Variants in GPI observed in about 807,000 individuals in gnomAD.
The protein encoded by GPI is glucose-6-phosphate isomerase.
A neutral mutation model predicts 75.8 loss-of-function variants in GPI; 56 were observed. The observed-to-expected ratio is 0.74, with a 90% CI of 0.60 to 0.92. GPI has a LOEUF of 0.92. Ranked by LOEUF, GPI falls within the 40% of genes least tolerant of loss-of-function variation. GPI has a pLI of 0.00. For missense variants in GPI, 638 were observed against 741.0 expected, an observed-to-expected ratio of 0.86 and a Z score of 1.61; for synonymous variants, 288 against 285.4, an observed-to-expected ratio of 1.01 and a Z score of -0.09.
intron 12 of GPI, 96 bp downstream of exon 12, chr19:34,394,162 G>A: frequency 5.7e-6 from 5 of 879,416 alleles, no homozygotes; most frequent in Non-Finnish European, 5.6e-6. Flanking sequence ...GGAGCTCTTT[G>A]CCCCATTGCC....
intron 9 of GPI, among the ~76,000 whole-genome samples, chr19:34,390,415 G>T (rs2074804439): frequency 6.6e-6 from 1 of 152,184 alleles, no homozygotes; most frequent in Non-Finnish European, 1.5e-5. Flanking sequence ...CCTGGCACCG[G>T]TAAGGGGCTC....
chr19:34,392,669 C>T, intron 9 of GPI: 1 of 18,402 alleles, frequency 5.4e-5, no homozygotes, highest in Non-Finnish European at 9.7e-5. Flanking sequence ...GCATGAGCAT[C>T]TGGGTCTGAC....
intron 14 of GPI, chr19:34,398,037 A>G (rs1401285798): frequency 6.7e-6 from 1 of 149,534 alleles, no homozygotes; most frequent in Non-Finnish European, 1.5e-5. Flanking sequence ...CAGATGTACA[A>G]CATGCCTGGC....
chr19:34,386,863 T>C (rs763090027), intron 9 of GPI, among the ~76,000 whole-genome samples: 51 of 151,900 alleles, frequency 3.4e-4, no homozygotes, highest in Non-Finnish European at 5.9e-4. Context: ...CACAAGTTGG[T>C]AGAACTACGC....
intron 3 of GPI, 75 bp from the exon 4 acceptor site, chr19:34,368,508 G>A (rs1331697337): frequency 3.2e-6 from 5 of 1,551,092 alleles, no homozygotes; most frequent in African/African-American, 1.4e-5. Context: ...CCGAGCTATG[G>A]CACCATGCCC....
Position 34,393,290 on chromosome 19 carries a change from T to C in GPI, c.847T>C (p.Ser283Pro). The C allele has an allele frequency of 6.2e-7, 1 of 1,612,922 alleles. No homozygotes were observed. The highest frequency in any genetic ancestry group is 8.5e-7 in the Non-Finnish European group (1 of 1,178,900). ...RYSLWSAIGL[S>P]IALHVGFDNF... ...CTCGCTGTGGTCGGCCATCGGACTC[T>C]CCATTGCCCTGCACGTGGGTGAGTG... Residue 283 changes from serine to proline, a missense_variant, in exon 10 of 18, where the codon TCC (serine) becomes CCC (proline). Physicochemically the swap from Ser to Pro is moderately conservative, Grantham distance 74 (BLOSUM62 -1). Transcript: ENST00000356487. The surrounding 1 kb of genome is among the most constrained non-coding windows in gnomAD (Gnocchi z 4.4).
chr19:34,366,421 A>T lies in GPI; in HGVS notation c.199A>T (p.Met67Leu). ...KNLVTEDVMR[M>L]LVDLAKSRGV... Reference sequence around the variant, plus strand: ...CCTGGTGACGGAGGACGTGATGCGGATGCTGGTGGACTTGGTAATGTTCTG... The same window carrying T: ...CCTGGTGACGGAGGACGTGATGCGGTTGCTGGTGGACTTGGTAATGTTCTG... Residue 67 changes from methionine to leucine, a missense_variant, in exon 2 of 18, where the codon ATG (methionine) becomes TTG (leucine). Met to Leu is a conservative substitution (Grantham distance 15, BLOSUM62 2). Coordinates refer to ENST00000356487, the MANE Select transcript of GPI (RefSeq NM_000175.5). 2 of 1,611,208 alleles carry T rather than the reference A, an allele frequency of 1.2e-6. No individual in the cohort carries two copies. Among genetic ancestry groups the T allele is most frequent in the African/African-American group, 2.7e-5 (2 of 74,980 alleles).
At chr19:34,361,704 G>A (rs946277946), upstream of GPI, among the ~76,000 whole-genome samples, 1 of 152,126 alleles carries the variant, frequency 6.6e-6, no homozygotes, top group African/African-American at 2.4e-5. Flanking sequence ...ATCCAGGCTG[G>A]GCGCGGTGTT....
chr19:34,377,691 G>A (rs374534282), intron 5 of GPI, 44 bp from the exon 6 acceptor site: 276 of 1,610,352 alleles, frequency 1.7e-4, no homozygotes, highest in South Asian at 3.2e-4. Context: ...TCCACTTTTC[G>A]TGGGCCCTGA....
Position 34,400,184 on chromosome 19 carries a change from T to A in GPI, c.*148T>A, listed in dbSNP as rs2075002667. 1.2e-6 allele frequency: 1 copy of A among 815,022 alleles called. No homozygotes were observed. The highest frequency in any genetic ancestry group is 1.7e-5 in the African/African-American group (1 of 59,918). The allele number at this position is 815,022 out of a possible 1,614,324, so 50.5% of individuals were successfully genotyped here. A position where few individuals can be genotyped will look rare whatever the true frequency, so the allele number is the denominator to read the frequency against. The stretch of plus-strand genomic sequence containing the variant: ...ACGAGCCCTTAGCAGGGAAGGCTGG[T>A]CTCCCCCAGCCTAACCCCCAGCCCC... On this transcript the variant is annotated 3_prime_UTR_variant, in exon 18 of 18. Coordinates refer to ENST00000356487, the MANE Select transcript of GPI (RefSeq NM_000175.5).
intron 12 of GPI, among the ~76,000 whole-genome samples, chr19:34,395,670 C>T (rs1379658378): frequency 6.6e-6 from 1 of 152,144 alleles, no homozygotes; most frequent in Non-Finnish European, 1.5e-5. Flanking sequence ...TTTTCCTGGG[C>T]ATGAGTCCTT....
At chr19:34,389,111 A>G (rs1306880304) in intron 9 of GPI, among the ~76,000 whole-genome samples, 1 of 152,098 alleles carries the variant, frequency 6.6e-6, no homozygotes, top group South Asian at 2.1e-4. Context: ...AAAGAAAAAA[A>G]TAGAACTGCA....
upstream of GPI, among the ~76,000 whole-genome samples, chr19:34,364,398 T>G (rs2074323857): frequency 6.6e-6 from 1 of 151,668 alleles, no homozygotes; most frequent in Middle Eastern, 3.4e-3. Context: ...TTTTTTTTTT[T>G]TGAGATGGAG....
At chr19:34,360,290 CAG>C (rs1352680642), upstream of GPI, among the ~76,000 whole-genome samples, 1 of 152,056 alleles carries the variant, frequency 6.6e-6, no homozygotes, top group Admixed American at 6.6e-5. Flanking sequence ...TGATAGACAA[CAG>C]AATATAAAAT....
chr19:34,370,753 C>T (rs888157586), intron 4 of GPI, among the ~76,000 whole-genome samples: 1 of 151,558 alleles, frequency 6.6e-6, no homozygotes, highest in Non-Finnish European at 1.5e-5. Flanking sequence ...AAAAAACCAA[C>T]CCATCTCTGG....
intron 9 of GPI, among the ~76,000 whole-genome samples, chr19:34,382,119 G>A (rs1272379084): frequency 6.6e-6 from 1 of 152,202 alleles, no homozygotes; most frequent in Non-Finnish European, 1.5e-5. Flanking sequence ...CCTGAGCTCA[G>A]CAGTGGTGTG....
chr19:34,390,779 T>C (rs2074811736), intron 9 of GPI, among the ~76,000 whole-genome samples: 1 of 127,792 alleles, frequency 7.8e-6, no homozygotes, highest in Non-Finnish European at 1.7e-5. Context: ...ATATGGGTCT[T>C]CCATGTCTGA....
chr19:34,384,359 A>G (rs1043051495), intron 9 of GPI, among the ~76,000 whole-genome samples: 1 of 152,142 alleles, frequency 6.6e-6, no homozygotes, highest in South Asian at 2.1e-4. Context: ...AGACACAGGT[A>G]TGTATTTTTG....
Position 34,365,399 on chromosome 19 carries a change from G to A in GPI, c.122+11G>A, listed in dbSNP as rs750287917. 2.9e-5 allele frequency: 46 copies of A among 1,567,742 alleles called. No homozygotes were observed. The highest frequency in any genetic ancestry group is 1.1e-5 in the Non-Finnish European group (13 of 1,161,522). ...CTTCAACCACTTCAGGTGCGGGCGG[G>A]CCGGAGGCGGGGGCTGCCACGCGCG... On this transcript the variant is annotated intron_variant, in intron 1 of 17. Transcript: ENST00000356487.
Sources: gnomAD v4.1 joint callset for allele counts (sites outside exome capture counted in the v4.1 genomes callset) on GRCh38, gnomAD v4.1.1 for gene constraint, Gnocchi (gnomAD v3.1) non-coding constraint, MANE v1.5 for transcripts, NCBI Gene and HGNC (gene_info 2026-07-23, HGNC 2026-07-21) for gene names.